The following SIPA1L2 variants were observed in gnomAD, a reference collection of about 807,000 sequenced individuals.
SIPA1L2 encodes the protein signal-induced proliferation-associated 1-like protein 2.
In SIPA1L2, 56 loss-of-function variants were observed where a neutral mutation model predicts 163.9. The ratio of observed to expected loss-of-function variants is 0.34; its 90% CI spans 0.28 to 0.43. SIPA1L2 has a LOEUF of 0.43. SIPA1L2 is among the 20% of genes least tolerant of loss of function. SIPA1L2 has a pLI of 1.00. For synonymous variants in SIPA1L2, 877 were observed against 865.7 expected, an observed-to-expected ratio of 1.01 and a Z score of -0.23; for missense variants, 1,974 against 2,193.5, an observed-to-expected ratio of 0.90 and a Z score of 2.00.
At chr1:232,489,766 A>G (rs1665833575) in intron 5 of SIPA1L2, among the ~76,000 whole-genome samples, 1 of 152,232 alleles carries the variant, frequency 6.6e-6, no homozygotes, top group Admixed American at 6.5e-5. Flanking sequence ...ATACATTGTC[A>G]CTGTCTTTTT....
chr1:232,503,540 A>G (rs956298427), intron 3 of SIPA1L2, among the ~76,000 whole-genome samples: 1 of 152,254 alleles, frequency 6.6e-6, no homozygotes, highest in South Asian at 2.1e-4. Flanking sequence ...GGATTTATCA[A>G]AGCTGTTAGC....
chr1:232,406,195 G>A (rs193252787), intron 19 of SIPA1L2, among the ~76,000 whole-genome samples: 3 of 152,260 alleles, frequency 2.0e-5, no homozygotes, highest in Non-Finnish European at 4.4e-5. Flanking sequence ...CAATAATCAA[G>A]CAATTACTGA....
At chr1:232,550,404 A>C (rs1391925514) in intron 2 of SIPA1L2, among the ~76,000 whole-genome samples, 4 of 152,268 alleles carry the variant, frequency 2.6e-5, no homozygotes, top group Non-Finnish European at 5.9e-5. Flanking sequence ...ATACAAGGAT[A>C]GCTTAAACAT....
At chr1:232,456,626 C>T (rs1047787498) in intron 10 of SIPA1L2, among the ~76,000 whole-genome samples, 26 of 152,146 alleles carry the variant, frequency 1.7e-4, no homozygotes, top group African/African-American at 5.3e-4. Flanking sequence ...CCTTTATATC[C>T]GCCTTTTAGG....
rs754671627 is a variant in SIPA1L2, at chr1:232,515,234, G to A, written c.106C>T (p.Arg36Trp). 32 of 1,613,932 alleles carry A rather than the reference G, an allele frequency of 2.0e-5. No individual in the cohort carries two copies. The highest frequency in any genetic ancestry group is 1.6e-5 in the Non-Finnish European group (19 of 1,180,024). ...TTGCCATTAATGGCTTTAAATTTCC[G>A]AGCAAAATAATCATCTGACTGCATG... is the stretch of plus-strand genomic sequence containing the variant. The part of the protein sequence containing the change: ...RIMQSDDYFA[R>W]KFKAINGNMG... The change falls in exon 3 of 23, where the codon CGG becomes TGG. Residue 36 changes from arginine (R) to tryptophan (W), a missense_variant. Arg to Trp is a moderately radical substitution (Grantham distance 101). Coordinates refer to ENST00000674635, the MANE Select transcript of SIPA1L2 (RefSeq NM_020808.5).
At chr1:232,572,785 T>G (rs866743492) in intron 2 of SIPA1L2, among the ~76,000 whole-genome samples, 1 of 131,240 alleles carries the variant, frequency 7.6e-6, no homozygotes, top group Non-Finnish European at 1.7e-5. Flanking sequence ...ATATATTTAT[T>G]TATTTATTTT....
At chr1:232,479,535 T>A in intron 7 of SIPA1L2, 92 bp downstream of exon 7, 1 of 995,438 alleles carries the variant, frequency 1.0e-6, no homozygotes, top group Non-Finnish European at 1.6e-6. Context: ...CCTCACTGAT[T>A]CTTTGCAAGT....
chr1:232,560,639 A>G (rs1038262910), intron 2 of SIPA1L2, among the ~76,000 whole-genome samples: 3 of 152,186 alleles, frequency 2.0e-5, no homozygotes, highest in Admixed American at 6.5e-5. Context: ...AGGCAGGCCC[A>G]GAGGCCTCAG....
At chr1:232,463,050 GA>G (rs111335568) in intron 9 of SIPA1L2, among the ~76,000 whole-genome samples, 1,570 of 152,296 alleles carry the variant, frequency 0.01, 31 homozygotes, top group African/African-American at 0.036. Flanking sequence ...GGGGCCACAA[GA>G]AAAATCAAAA....
chr1:232,454,726 T>A (rs10910515), intron 10 of SIPA1L2, among the ~76,000 whole-genome samples: 2,551 of 152,268 alleles, frequency 0.017, 86 homozygotes, highest in African/African-American at 0.058. Context: ...GATGGTAATA[T>A]CCCAACATTC....
chr1:232,545,220 T>A (rs1156874106), intron 2 of SIPA1L2, among the ~76,000 whole-genome samples: 2 of 152,264 alleles, frequency 1.3e-5, no homozygotes, highest in Non-Finnish European at 2.9e-5. Flanking sequence ...AGGTTCCCTG[T>A]AGCATAGCAC....
Position 232,439,214 on chromosome 1 carries a change from C to T in SIPA1L2, c.3925G>A (p.Glu1309Lys), listed in dbSNP as rs374116619. 10 of 1,613,718 alleles carry T rather than the reference C, an allele frequency of 6.2e-6. No homozygotes were observed. Among genetic ancestry groups the T allele is most frequent in the East Asian group, 4.5e-5 (2 of 44,892 alleles). ...TGCACAGAATATAACTTGGCTGGCT[C>T]GTCGTCAGGCCCAGAGACGTCGGCA... ...DAADVSGPDD[E>K]PAKLYSVHGY... Residue 1309 changes from glutamate (E) to lysine (K), a missense_variant, in exon 15 of 23, where the codon GAG becomes AAG. Physicochemically the swap from Glu to Lys is moderately conservative, Grantham distance 56. Transcript: ENST00000674635.
chr1:232,572,710 T>C (rs552377439), intron 2 of SIPA1L2, among the ~76,000 whole-genome samples: 24 of 76,050 alleles, frequency 3.2e-4, no homozygotes, highest in African/African-American at 1.0e-3. Flanking sequence ...TATATATATA[T>C]ATATATACAC....
chr1:232,627,592 G>A (rs1436114459), intron 1 of SIPA1L2, among the ~76,000 whole-genome samples: 2 of 151,424 alleles, frequency 1.3e-5, no homozygotes, highest in Non-Finnish European at 2.9e-5. Context: ...AAGCATCATA[G>A]AAGCCAAATC....
Position 232,525,917 on chromosome 1 carries a change from T to C in SIPA1L2, c.-269-10309A>G, listed in dbSNP as rs146436041. The stretch of plus-strand genomic sequence containing the variant: ...GTGGAGCGATTTACTCCCGTGCATA[T>C]GTCCAGTCCTTAGCTAGTGTTCTTT... On this transcript the variant is annotated intron_variant, in intron 2 of 22. Transcript: ENST00000674635. Among the ~76,000 whole-genome samples, 964 of 152,314 alleles carry C rather than the reference T, an allele frequency of 6.3e-3. 12 individuals carry two copies. The highest frequency in any genetic ancestry group is 0.021 in the African/African-American group (870 of 41,564).
chr1:232,418,940 G>A (rs1661414034), intron 18 of SIPA1L2, among the ~76,000 whole-genome samples: 1 of 152,150 alleles, frequency 6.6e-6, no homozygotes, highest in African/African-American at 2.4e-5. Context: ...CACGTGATGG[G>A]GGCACAACAG....
At chr1:232,538,434 G>A (rs148099303) in intron 2 of SIPA1L2, among the ~76,000 whole-genome samples, 64 of 152,218 alleles carry the variant, frequency 4.2e-4, no homozygotes, top group African/African-American at 1.4e-3. Flanking sequence ...TGGTGCCTCC[G>A]CAATATCTGA....
At chr1:232,438,584 T>C (rs6678031) in intron 15 of SIPA1L2, among the ~76,000 whole-genome samples, 24,676 of 152,206 alleles carry the variant, frequency 0.16, 2,252 homozygotes, top group Non-Finnish European at 0.21. Context: ...AGCTAGTCTT[T>C]ACTGAATGAA....
At position 232,582,134 on chromosome 1, in the gene SIPA1L2, ATGTCATGATTAATTTCATTCAC is replaced by A. The variant is rs1458025608; in HGVS notation, c.-318-7934_-318-7913del. 6.6e-5 allele frequency among the ~76,000 whole-genome samples: 10 copies of A among 152,314 alleles called. 1 individual carries two copies. Among genetic ancestry groups the A allele is most frequent in the Non-Finnish European group, 1.3e-4 (9 of 68,030 alleles). On this transcript the variant is annotated intron_variant, in intron 1 of 22. Transcript: ENST00000674635. ...ATTCAAGAAACATTTGTTGATGATGATGTCATGATTAATTTCATTCACTGTCTATGCTTTTTCCATAATTTTT... is the reference window on the plus strand; with the variant it reads ...ATTCAAGAAACATTTGTTGATGATGATGTCTATGCTTTTTCCATAATTTTT...
Sources: allele counts gnomAD v4.1 joint callset (sites outside exome capture counted in the v4.1 genomes callset), GRCh38; gene constraint gnomAD v4.1.1; transcripts MANE v1.5; gene names NCBI Gene and HGNC (gene_info 2026-07-23, HGNC 2026-07-21).